Variants in HIP1 observed in about 807,000 individuals in gnomAD.
HIP1 encodes huntingtin-interacting protein 1.
Under a neutral mutation model 147.6 loss-of-function variants are expected in HIP1, and 65 were observed. That is an observed-to-expected ratio of 0.44 (90% CI 0.36 to 0.54). The LOEUF is 0.54. Among genes scored for constraint, HIP1 ranks in the 20% least tolerant of loss-of-function variants. The pLI is 0.00. For missense variants in HIP1, 1,061 were observed against 1,299.6 expected, an observed-to-expected ratio of 0.82 and a Z score of 2.82; for synonymous variants, 479 against 504.0, an observed-to-expected ratio of 0.95 and a Z score of 0.67.
intron 1 of HIP1, among the ~76,000 whole-genome samples, chr7:75,635,462 C>T (rs1798389648): frequency 6.6e-6 from 1 of 151,698 alleles, no homozygotes; most frequent in African/African-American, 2.4e-5. Context: ...CCTGTAATCC[C>T]AGCTACTCGG....
At chr7:75,674,152 T>C (rs1383628019) in intron 1 of HIP1, among the ~76,000 whole-genome samples, 11 of 152,192 alleles carry the variant, frequency 7.2e-5, no homozygotes, top group African/African-American at 2.7e-4. Flanking sequence ...CACTTCTTAC[T>C]TTCCAATATG....
chr7:75,679,321 A>G (rs1799988836), intron 1 of HIP1, among the ~76,000 whole-genome samples: 1 of 152,160 alleles, frequency 6.6e-6, no homozygotes, highest in African/African-American at 2.4e-5. Flanking sequence ...CTTCCACCTC[A>G]GCCTCCTAAG....
chr7:75,624,536 G>A lies in HIP1; in HGVS notation c.121-25289C>T, dbSNP rs144539672. Among the ~76,000 whole-genome samples the A allele has an allele frequency of 2.4e-4, 37 of 152,266 alleles. 2 individuals are homozygous for A. In the East Asian group the frequency reaches 7.1e-3, roughly 29 times the overall value. ...GGGTAAGCCCCACCGAAGCCTCCAG[G>A]CCTGACAGCCTACTGGTCTCCTGGT... On this transcript the variant is annotated intron_variant, in intron 1 of 30. Coordinates refer to ENST00000336926, the MANE Select transcript of HIP1 (RefSeq NM_005338.7).
At chr7:75,546,149 G>A (rs917025690) in intron 25 of HIP1, among the ~76,000 whole-genome samples, 2 of 152,006 alleles carry the variant, frequency 1.3e-5, no homozygotes, top group African/African-American at 2.4e-5. Flanking sequence ...TCTGAAAAGA[G>A]TCTAGCCACT....
At position 75,547,771 on chromosome 7, in the gene HIP1, A is replaced by G. The variant is rs782504856; in HGVS notation, c.2449T>C (p.Leu817=). 67 of 1,613,626 alleles carry G rather than the reference A, an allele frequency of 4.2e-5. No homozygotes were observed. The highest frequency in any genetic ancestry group is 5.4e-5 in the Non-Finnish European group (64 of 1,179,866). The part of the protein sequence containing the change: ...KSRAGDTGVK[L]EVNERILGCC... Reference sequence around the variant, plus strand: ...CAGACCGACCTTTCATTCACCTCCAATTTGACTCCTGTGTCTCCTGCTCGG... The same window carrying G: ...CAGACCGACCTTTCATTCACCTCCAGTTTGACTCCTGTGTCTCCTGCTCGG... Residue 817 remains leucine (L), a synonymous_variant, in exon 24 of 31, where the codon TTG becomes CTG. Transcript: ENST00000336926.
intron 1 of HIP1, among the ~76,000 whole-genome samples, chr7:75,667,742 C>G (rs2525468): frequency 7.9e-5 from 12 of 152,004 alleles, no homozygotes; most frequent in Non-Finnish European, 1.6e-4. Flanking sequence ...CCTCCCACCT[C>G]GGCCTCACAA....
At chr7:75,545,874 G>A (rs1395595354) in intron 25 of HIP1, among the ~76,000 whole-genome samples, 1 of 152,176 alleles carries the variant, frequency 6.6e-6, no homozygotes, top group Non-Finnish European at 1.5e-5. Context: ...CCAGGAGGCA[G>A]AGGTTGCAGT....
chr7:75,661,894 G>C (rs550446805), intron 1 of HIP1, among the ~76,000 whole-genome samples: 1 of 152,184 alleles, frequency 6.6e-6, no homozygotes, highest in South Asian at 2.1e-4. Context: ...TTCCCCAAGA[G>C]TGTGGAAAAA....
rs1554517063 is a variant in HIP1 at position 75,682,581 on chromosome 7, G to GAAAACAAAACAAAA, written c.120+56206_120+56219dup. On this transcript the variant is annotated intron_variant, in intron 1 of 30. Coordinates refer to ENST00000336926, the MANE Select transcript of HIP1 (RefSeq NM_005338.7). Reference sequence around the variant, plus strand: ...GGCCAACATCCTCATTTTACAGACAGAAAACAAAACAAAACAAAACAAAAC... The same window carrying GAAAACAAAACAAAA: ...GGCCAACATCCTCATTTTACAGACAGAAAACAAAACAAAAAAAACAAAACAAAACAAAACAAAAC... Among the ~76,000 whole-genome samples, 299 of 148,770 alleles carry GAAAACAAAACAAAA rather than the reference G, an allele frequency of 2.0e-3. 1 individual carries two copies. Among genetic ancestry groups the GAAAACAAAACAAAA allele is most frequent in the African/African-American group, 5.5e-3 (221 of 40,072 alleles).
intron 1 of HIP1, among the ~76,000 whole-genome samples, chr7:75,648,118 C>T (rs1428599564): frequency 3.9e-5 from 6 of 152,330 alleles, no homozygotes; most frequent in Admixed American, 6.5e-5. Flanking sequence ...TCTTGGCTTT[C>T]GGAGCTCCAG....
At chr7:75,727,505 C>T (rs1554522493) in intron 1 of HIP1, among the ~76,000 whole-genome samples, 2 of 149,486 alleles carry the variant, frequency 1.3e-5, no homozygotes, top group African/African-American at 4.9e-5. Context: ...CAAATATTTT[C>T]TTCTGGGAGG....
intron 22 of HIP1, 50 bp downstream of exon 22, chr7:75,553,403 C>A: frequency 1.3e-6 from 2 of 1,594,470 alleles, no homozygotes; most frequent in Non-Finnish European, 8.6e-7. Context: ...TTCACCAGCA[C>A]GCACACCCAG....
chr7:75,561,546 C>A (rs781928915), intron 12 of HIP1, 145 bp from the exon 13 acceptor site: 2 of 653,848 alleles, frequency 3.1e-6, no homozygotes, highest in South Asian at 3.5e-5. Context: ...TAAATGTTAC[C>A]AGATACTAAT....
At chr7:75,545,277 C>T (rs375886801) in intron 25 of HIP1, 89 bp from the exon 26 acceptor site, 2 of 770,844 alleles carry the variant, frequency 2.6e-6, no homozygotes. Context: ...CCCAAATCAT[C>T]CTCATAGTAA....
At chr7:75,606,865 A>T in intron 1 of HIP1, among the ~76,000 whole-genome samples, 1 of 152,124 alleles carries the variant, frequency 6.6e-6, no homozygotes, top group East Asian at 1.9e-4. Flanking sequence ...ACCAGTAGAC[A>T]CTTAATAGTA....
Position 75,704,980 on chromosome 7 carries a change from G to A in HIP1, c.120+33821C>T, listed in dbSNP as rs545555450. Among the ~76,000 whole-genome samples, 119 of 152,232 alleles carry A rather than the reference G, an allele frequency of 7.8e-4. 1 individual carries two copies. The South Asian group carries it at 0.022, about 28-fold the overall frequency. On this transcript the variant is annotated intron_variant, in intron 1 of 30. Coordinates refer to ENST00000336926, the MANE Select transcript of HIP1 (RefSeq NM_005338.7). ...TACATCTTTAAATAAGTACAAATGC[G>A]TTTTACTTTCTTTTCCAAGTTTTAA...
chr7:75,591,442 G>A (rs1219772077), intron 4 of HIP1, among the ~76,000 whole-genome samples: 1 of 152,078 alleles, frequency 6.6e-6, no homozygotes, highest in Non-Finnish European at 1.5e-5. Flanking sequence ...TCCATTGACT[G>A]TGATATTGCC....
chr7:75,633,718 C>G (rs982364085), intron 1 of HIP1, among the ~76,000 whole-genome samples: 1 of 152,176 alleles, frequency 6.6e-6, no homozygotes, highest in African/African-American at 2.4e-5. Flanking sequence ...GCACAGCGAT[C>G]TCTCCAGTTG....
At chr7:75,603,622 C>T (rs1291667635) in intron 1 of HIP1, among the ~76,000 whole-genome samples, 1 of 152,042 alleles carries the variant, frequency 6.6e-6, no homozygotes, top group African/African-American at 2.4e-5. Context: ...AATCTCTGGC[C>T]AGCACTTTGG....
Sources: gnomAD v4.1 joint callset for allele counts (sites outside exome capture counted in the v4.1 genomes callset) on GRCh38, gnomAD v4.1.1 for gene constraint, MANE v1.5 for transcripts, NCBI Gene and HGNC (gene_info 2026-07-23, HGNC 2026-07-21) for gene names.